Variants in ZNF280C observed in about 807,000 individuals in gnomAD.
The protein encoded by ZNF280C is suppressor of hairy wing homolog 3.
Under a neutral mutation model 53.6 loss-of-function variants are expected in ZNF280C, and 14 were observed. That is an observed-to-expected ratio of 0.26 (90% CI 0.17 to 0.41). The LOEUF is 0.41. ZNF280C is among the 10% of genes least tolerant of loss of function. The pLI is 1.00. For missense variants in ZNF280C, 416 were observed against 547.1 expected (o/e 0.76, Z 2.39); for synonymous variants, 203 against 181.1 (o/e 1.12, Z -0.97).
chrX:130,205,471 T>C, intron 16 of ZNF280C, 56 bp from the exon 17 acceptor site: 1 of 835,190 alleles, frequency 1.2e-6, no homozygotes, highest in Non-Finnish European at 1.7e-6. Flanking sequence ...AAAATCCATA[T>C]GAGCTCAATA....
chrX:130,211,815 C>T (rs1197897100), intron 15 of ZNF280C, among the ~76,000 whole-genome samples: 2 of 111,588 alleles, frequency 1.8e-5, no homozygotes, highest in Admixed American at 9.5e-5. Flanking sequence ...AGTTGGTGAG[C>T]CTATGGAAAA....
Position 130,243,663 on chromosome X carries a change from C to T in ZNF280C, c.281G>A (p.Cys94Tyr). 8.3e-7 allele frequency: 1 copy of T among 1,210,630 alleles called. No homozygotes were observed. Among genetic ancestry groups the T allele is most frequent in the East Asian group, 3.0e-5 (1 of 33,851 alleles). ...PEIFRTASQR[C>Y]RDPPSNPVAA... ...CACTGGATTTGATGGTGGGTCTCTGCAGCGTTGACTTGCAGTCCTGAATAT... is the reference window on the plus strand; with the variant it reads ...CACTGGATTTGATGGTGGGTCTCTGTAGCGTTGACTTGCAGTCCTGAATAT... Residue 94 changes from cysteine to tyrosine, a missense_variant, in exon 5 of 19, where the codon TGC becomes TAC. Cys to Tyr is a radical substitution (Grantham distance 194, BLOSUM62 -2). Transcript: ENST00000370978.
intron 16 of ZNF280C, among the ~76,000 whole-genome samples, chrX:130,209,314 T>C (rs1009720197): frequency 8.9e-6 from 1 of 112,594 alleles, no homozygotes; most frequent in Non-Finnish European, 1.9e-5. Flanking sequence ...TTTTTTTCTG[T>C]ACAGTAAACA....
intron 1 of ZNF280C, among the ~76,000 whole-genome samples, chrX:130,263,467 T>C (rs1487202839): frequency 8.9e-6 from 1 of 112,201 alleles, no homozygotes; most frequent in African/African-American, 3.2e-5. Context: ...AGACCACATA[T>C]TGTATGATTT....
chrX:130,221,330 G>T (rs1310240478), intron 12 of ZNF280C, among the ~76,000 whole-genome samples: 1 of 111,530 alleles, frequency 9.0e-6, no homozygotes, highest in East Asian at 2.8e-4. Context: ...TAAGATGATG[G>T]ATAGAATGTT....
chrX:130,226,094 T>G (rs2032218802), intron 12 of ZNF280C, among the ~76,000 whole-genome samples: 1 of 112,414 alleles, frequency 8.9e-6, no homozygotes, highest in South Asian at 3.7e-4. Context: ...AATACTGGTA[T>G]CCCAGAAATT....
chrX:130,234,738 C>T (rs942137057), intron 8 of ZNF280C, among the ~76,000 whole-genome samples: 5 of 111,661 alleles, frequency 4.5e-5, no homozygotes, highest in African/African-American at 1.6e-4. Flanking sequence ...TTTATACACA[C>T]ATAACAGAAT....
At chrX:130,220,988 T>C (rs1443361223) in intron 12 of ZNF280C, among the ~76,000 whole-genome samples, 1 of 111,310 alleles carries the variant, frequency 9.0e-6, no homozygotes, top group Non-Finnish European at 1.9e-5. Context: ...AAAAGAAAGC[T>C]TTCTTTAAAG....
chrX:130,251,667 A>G, intron 2 of ZNF280C, among the ~76,000 whole-genome samples: 1 of 110,787 alleles, frequency 9.0e-6, no homozygotes, highest in Admixed American at 9.5e-5. Context: ...AGGAGGCTAA[A>G]GAATGAGAAT....
At chrX:130,215,645 G>T in intron 14 of ZNF280C, 146 bp downstream of exon 14, 1 of 545,106 alleles carries the variant, frequency 1.8e-6, no homozygotes. Context: ...CTGCTCAGCA[G>T]TTGTAAAAAG....
At chrX:130,225,174 T>C (rs1165210364) in intron 12 of ZNF280C, among the ~76,000 whole-genome samples, 1 of 111,159 alleles carries the variant, frequency 9.0e-6, no homozygotes, top group Non-Finnish European at 1.9e-5. Context: ...ATGTTATCAC[T>C]CCCTTCAAAT....
intron 16 of ZNF280C, among the ~76,000 whole-genome samples, chrX:130,207,657 C>T (rs2031990547): frequency 9.0e-6 from 1 of 111,607 alleles, no homozygotes; most frequent in Admixed American, 9.5e-5. Context: ...TCACCGTGCC[C>T]GGCCAACTTT....
At chrX:130,227,013 G>T in intron 11 of ZNF280C, 108 bp from the exon 12 acceptor site, 1 of 646,198 alleles carries the variant, frequency 1.5e-6, no homozygotes, top group Non-Finnish European at 2.3e-6. Flanking sequence ...TGTACTACTA[G>T]TCCAGCTCTG....
chrX:130,229,150 C>A lies in ZNF280C; in HGVS notation c.990-16G>T, dbSNP rs1352054811. On this transcript the variant is annotated splice_polypyrimidine_tract_variant and intron_variant, in intron 9 of 18. Coordinates refer to ENST00000370978, the MANE Select transcript of ZNF280C (RefSeq NM_017666.5). Reference sequence around the variant, plus strand: ...GTTCATAAACCTACAAACAATTTGCCAGTAAGAGCAAAAATTCAGACTTAT... The same window carrying A: ...GTTCATAAACCTACAAACAATTTGCAAGTAAGAGCAAAAATTCAGACTTAT... 1.7e-6 allele frequency: 2 copies of A among 1,174,056 alleles called. No individual in the cohort carries two copies. The highest frequency in any genetic ancestry group is 2.0e-5 in the South Asian group (1 of 50,739).
intron 11 of ZNF280C, 137 bp from the exon 12 acceptor site, chrX:130,227,042 A>C: frequency 2.1e-6 from 1 of 485,196 alleles, no homozygotes; most frequent in Non-Finnish European, 3.4e-6. Context: ...ACAACCAAGA[A>C]TCATATTACT....
At chrX:130,222,867 G>C (rs1355986563) in intron 12 of ZNF280C, among the ~76,000 whole-genome samples, 1 of 110,756 alleles carries the variant, frequency 9.0e-6, no homozygotes. Context: ...GGCTGGTCTC[G>C]AACTCCTGAC....
At chrX:130,233,105 CA>C (rs754341407) in intron 8 of ZNF280C, among the ~76,000 whole-genome samples, 1 of 111,315 alleles carries the variant, frequency 9.0e-6, no homozygotes, top group Non-Finnish European at 1.9e-5. Context: ...CAGTCACAGA[CA>C]GACAAATATT....
rs1038000934 is a variant in ZNF280C at position 130,246,985 on chromosome X, G to T, written c.52C>A (p.Leu18Ile). ...TCTTCTTCTTCACATTCCATAAAGA[G>T]TTCTGCCATTTTTGAAATGTCTAAT... ...QPKNISKMAE[L>I]FMECEEEELE... The change falls in exon 3 of 19, where the codon CTC becomes ATC. Residue 18 changes from leucine to isoleucine, a missense_variant. Coordinates refer to ENST00000370978, the MANE Select transcript of ZNF280C (RefSeq NM_017666.5). 1.7e-6 allele frequency: 2 copies of T among 1,197,657 alleles called. No homozygotes were observed. Among genetic ancestry groups the T allele is most frequent in the Non-Finnish European group, 2.2e-6 (2 of 892,019 alleles).
intron 1 of ZNF280C, among the ~76,000 whole-genome samples, chrX:130,264,583 C>A (rs1485863405): frequency 9.0e-6 from 1 of 110,609 alleles, no homozygotes; most frequent in African/African-American, 3.3e-5. Flanking sequence ...AAATGAAGGG[C>A]AATGACCATA....
Sources: gnomAD v4.1 joint callset for allele counts (sites outside exome capture counted in the v4.1 genomes callset) on GRCh38, gnomAD v4.1.1 for gene constraint, MANE v1.5 for transcripts, NCBI Gene and HGNC (gene_info 2026-07-23, HGNC 2026-07-21) for gene names.